The following FAM81B variants were observed in gnomAD, a reference collection of about 807,000 sequenced individuals.
FAM81B encodes family with sequence similarity 81 member B.
In FAM81B, 60 loss-of-function variants were observed where a neutral mutation model predicts 58.7. That is an observed-to-expected ratio of 1.02 (90% CI 0.83 to 1.27). The LOEUF is 1.27. Among genes scored for constraint, FAM81B ranks in the 50% most tolerant of loss-of-function variants. The pLI is 0.00. For missense variants in FAM81B, 491 were observed against 522.0 expected (o/e 0.94, Z 0.58); for synonymous variants, 189 against 179.6 (o/e 1.05, Z -0.42).
intron 5 of FAM81B, among the ~76,000 whole-genome samples, chr5:95,425,783 G>T (rs1296410064): frequency 6.6e-6 from 1 of 151,824 alleles, no homozygotes; most frequent in Non-Finnish European, 1.5e-5. Flanking sequence ...AATGTTGAAG[G>T]CACAAGTATA....
chr5:95,400,882 G>A (rs1762094264), intron 3 of FAM81B, among the ~76,000 whole-genome samples: 1 of 151,956 alleles, frequency 6.6e-6, no homozygotes, highest in South Asian at 2.1e-4. Flanking sequence ...CTGACTCCAA[G>A]TACAGCGTTC....
chr5:95,422,884 C>T (rs943193746), intron 5 of FAM81B, among the ~76,000 whole-genome samples: 14 of 152,104 alleles, frequency 9.2e-5, no homozygotes, highest in Admixed American at 3.3e-4. Context: ...GCTTACCTTC[C>T]CCTTCAATCA....
At chr5:95,405,531 G>A (rs1561293359) in intron 3 of FAM81B, among the ~76,000 whole-genome samples, 1 of 151,828 alleles carries the variant, frequency 6.6e-6, no homozygotes, top group East Asian at 1.9e-4. Context: ...CTCTTAATAT[G>A]TTTAATAGCC....
intron 4 of FAM81B, among the ~76,000 whole-genome samples, chr5:95,416,521 T>C (rs999230220): frequency 1.3e-5 from 2 of 152,200 alleles, no homozygotes; most frequent in African/African-American, 2.4e-5. Context: ...GCAATACTTG[T>C]TCATCATAAT....
At chr5:95,429,494 G>C (rs1744785150) in intron 6 of FAM81B, among the ~76,000 whole-genome samples, 1 of 152,174 alleles carries the variant, frequency 6.6e-6, no homozygotes, top group Admixed American at 6.5e-5. Flanking sequence ...TGAAAGTCTG[G>C]CGTTTGATTA....
chr5:95,399,487 C>A (rs1364426992), intron 3 of FAM81B, among the ~76,000 whole-genome samples: 2 of 151,922 alleles, frequency 1.3e-5, no homozygotes, highest in Non-Finnish European at 2.9e-5. Flanking sequence ...CATGCCCCCC[C>A]CCACCCACCT....
chr5:95,391,418 C>A lies in FAM81B; in HGVS notation c.29C>A (p.Ala10Asp). 1 of 1,613,406 alleles carries A rather than the reference C, an allele frequency of 6.2e-7. No individual in the cohort carries two copies. The highest frequency in any genetic ancestry group is 1.1e-5 in the South Asian group (1 of 91,044). MQLQFLGTLASSEKRKKSQR... is the reference protein window; with the variant it reads MQLQFLGTLDSSEKRKKSQR... ...CAATTACAATTCCTTGGTACATTGG[C>A]TTCCTCAGAAAAAAGAAAAAAATCA... The change falls in exon 1 of 10, where the codon GCT (alanine) becomes GAT (aspartate). Residue 10 changes from alanine to aspartate, a missense_variant. Physicochemically the swap from Ala to Asp is moderately radical, Grantham distance 126. Transcript: ENST00000283357.
At chr5:95,414,441 A>C (rs1261908083) in intron 4 of FAM81B, among the ~76,000 whole-genome samples, 1 of 152,220 alleles carries the variant, frequency 6.6e-6, no homozygotes, top group Non-Finnish European at 1.5e-5. Context: ...CAACAAAGAC[A>C]TTATGTCAGA....
chr5:95,446,554 T>C lies in FAM81B; in HGVS notation c.894-8T>C. The C allele has an allele frequency of 6.4e-7, 1 of 1,565,270 alleles. No homozygotes were observed. The highest frequency in any genetic ancestry group is 8.6e-7 in the Non-Finnish European group (1 of 1,161,606). On this transcript the variant is annotated splice_polypyrimidine_tract_variant and splice_region_variant and intron_variant, in intron 7 of 9. Coordinates refer to ENST00000283357, the MANE Select transcript of FAM81B (RefSeq NM_152548.3). ...TATTTAAATGAAACAAAACATTTTTTCCCATAGATTTCATTCACTTTCAAG... is the reference window on the plus strand; with the variant it reads ...TATTTAAATGAAACAAAACATTTTTCCCCATAGATTTCATTCACTTTCAAG...
At chr5:95,445,902 C>T (rs1213660361) in intron 7 of FAM81B, among the ~76,000 whole-genome samples, 2 of 152,098 alleles carry the variant, frequency 1.3e-5, no homozygotes, top group Non-Finnish European at 2.9e-5. Context: ...AGCCACATAC[C>T]GGCACTTAGC....
intron 5 of FAM81B, among the ~76,000 whole-genome samples, chr5:95,423,095 G>C (rs1421587019): frequency 6.6e-6 from 1 of 152,108 alleles, no homozygotes; most frequent in Non-Finnish European, 1.5e-5. Context: ...ATTGATTACT[G>C]TCTTTCCACA....
chr5:95,405,967 C>A (rs550651820), intron 3 of FAM81B, among the ~76,000 whole-genome samples: 1 of 152,338 alleles, frequency 6.6e-6, no homozygotes, highest in Admixed American at 6.5e-5. Context: ...GCTCCAATTC[C>A]TTACCAACAC....
intron 9 of FAM81B, among the ~76,000 whole-genome samples, chr5:95,449,532 T>C (rs938825621): frequency 4.6e-5 from 7 of 152,230 alleles, no homozygotes; most frequent in Non-Finnish European, 7.3e-5. Context: ...AAGGGGGAAC[T>C]TCAAATTAAT....
Position 95,392,779 on chromosome 5 carries a change from A to C in FAM81B, c.125-15A>C, listed in dbSNP as rs1761861465. On this transcript the variant is annotated splice_polypyrimidine_tract_variant and intron_variant, in intron 1 of 9. Coordinates refer to ENST00000283357, the MANE Select transcript of FAM81B (RefSeq NM_152548.3). ...GTCATAGTTCCTGACCTGATTCAGC[A>C]TTCTGGTTACCTAGATACAAATGTA... 1 of 1,598,518 alleles carries C rather than the reference A, an allele frequency of 6.3e-7. No homozygotes were observed. Among genetic ancestry groups the C allele is most frequent in the South Asian group, 1.1e-5 (1 of 88,594 alleles).
At chr5:95,432,465 GA>G (rs2152767815) in intron 6 of FAM81B, among the ~76,000 whole-genome samples, 1 of 152,092 alleles carries the variant, frequency 6.6e-6, no homozygotes, top group East Asian at 1.9e-4. Context: ...ATTCTTTAAG[GA>G]TTTGGTAGCT....
intron 5 of FAM81B, among the ~76,000 whole-genome samples, chr5:95,427,143 G>A (rs1170826496): frequency 6.6e-6 from 1 of 152,088 alleles, no homozygotes; most frequent in Non-Finnish European, 1.5e-5. Context: ...TTAACCAGTA[G>A]CCTCCACTGC....
At chr5:95,448,869 G>A in intron 9 of FAM81B, 1 of 376,200 alleles carries the variant, frequency 2.7e-6, no homozygotes, top group Non-Finnish European at 5.2e-6. Flanking sequence ...TTGGACAGAT[G>A]TCAGACTGGA....
chr5:95,424,128 C>G (rs559301936), intron 5 of FAM81B: 35 of 1,289,708 alleles, frequency 2.7e-5, no homozygotes, highest in Non-Finnish European at 3.2e-5. Context: ...AGATTTGATA[C>G]TGCAAGCCTG....
rs867825905 is a variant in FAM81B at position 95,446,950 on chromosome 5, T to A, written c.1029+253T>A. Among the ~76,000 whole-genome samples the A allele has an allele frequency of 2.0e-3, 228 of 113,114 alleles. 1 individual carries two copies. The highest frequency in any genetic ancestry group is 5.3e-3 in the South Asian group (21 of 3,962). The allele number at this position is 113,114 out of a possible 152,430, so 74.2% of individuals were successfully genotyped here. A position where few individuals can be genotyped will look rare whatever the true frequency, so the allele number is the denominator to read the frequency against. ...AAAGAATCTGAAGAGGTTTTTTTTTTTAAAAAAAAAAAAATAGATTGCCAC... is the reference window on the plus strand; with the variant it reads ...AAAGAATCTGAAGAGGTTTTTTTTTATAAAAAAAAAAAAATAGATTGCCAC... On this transcript the variant is annotated intron_variant, in intron 8 of 9. Transcript: ENST00000283357.
Sources: allele counts gnomAD v4.1 joint callset (sites outside exome capture counted in the v4.1 genomes callset), GRCh38; gene constraint gnomAD v4.1.1; transcripts MANE v1.5; gene names NCBI Gene and HGNC (gene_info 2026-07-23, HGNC 2026-07-21).